PCDHGA5: variants seen among roughly 807,000 people sequenced by gnomAD.
PCDHGA5 encodes the protein protocadherin gamma subfamily A, 5.
PCDHGA5 carries 36 observed loss-of-function variants against 56.7 expected under a neutral mutation model. The ratio of observed to expected loss-of-function variants is 0.64; its 90% CI spans 0.49 to 0.84. The LOEUF is 0.84. PCDHGA5 is among the 40% of genes least tolerant of loss of function. The pLI is 0.00. For synonymous variants in PCDHGA5, 563 were observed against 520.2 expected, an observed-to-expected ratio of 1.08 and a Z score of -1.12; for missense variants, 1,305 against 1,201.5, an observed-to-expected ratio of 1.09 and a Z score of -1.27.
At position 141,431,590 on chromosome 5, in the gene PCDHGA5, G is replaced by A; in HGVS notation, c.2422-63217G>A. On this transcript the variant is annotated intron_variant, in intron 1 of 3. Transcript: ENST00000518069. The surrounding 1 kb of genome is among the most constrained non-coding windows in gnomAD (Gnocchi z 4.8). ...CTGACGAAGGAGTCAATGCGGAAGT[G>A]AGGTATTCCTTCCGGTATGTGGACG... 1.2e-6 allele frequency: 2 copies of A among 1,614,240 alleles called. No homozygotes were observed. Among genetic ancestry groups the A allele is most frequent in the South Asian group, 1.1e-5 (1 of 91,090 alleles).
chr5:141,380,182 G>A (rs997433342), intron 1 of PCDHGA5, among the ~76,000 whole-genome samples: 1 of 152,142 alleles, frequency 6.6e-6, no homozygotes, highest in Non-Finnish European at 1.5e-5. Context: ...TTACAGGCAT[G>A]AGCCACTGAG....
intron 1 of PCDHGA5, 115 bp from the exon 2 acceptor site, chr5:141,494,692 C>G: frequency 6.3e-7 from 1 of 1,581,934 alleles, no homozygotes; most frequent in South Asian, 1.1e-5. Context: ...CCTCTTAGTC[C>G]GTTTTCTTCT....
chr5:141,376,151 A>T lies in PCDHGA5; in HGVS notation c.2421+9400A>T. ...CGCCAAACCCAACGATTCGGACCTC[A>T]CTCTGTACCTGGTGGTGGCGGTGGC... On this transcript the variant is annotated intron_variant, in intron 1 of 3. Coordinates refer to ENST00000518069, the MANE Select transcript of PCDHGA5 (RefSeq NM_018918.3). The T allele has an allele frequency of 1.9e-6, 3 of 1,612,748 alleles. No individual in the cohort carries two copies. In the South Asian group the frequency reaches 3.3e-5, roughly 18 times the overall value.
At chr5:141,399,681 C>G (rs2093865042) in intron 1 of PCDHGA5, 1 of 1,613,408 alleles carries the variant, frequency 6.2e-7, no homozygotes, top group South Asian at 1.1e-5. Flanking sequence ...CCTTTGACTA[C>G]GAGCAGCTGC....
At chr5:141,510,124 A>G (rs2099879540) in intron 3 of PCDHGA5, among the ~76,000 whole-genome samples, 1 of 152,156 alleles carries the variant, frequency 6.6e-6, no homozygotes, top group Admixed American at 6.5e-5. Context: ...AAATACAAAA[A>G]TTAGCTGGGC....
intron 1 of PCDHGA5, chr5:141,415,573 G>T (rs375863243): frequency 1.9e-6 from 3 of 1,614,022 alleles, no homozygotes; most frequent in South Asian, 2.2e-5. Context: ...TTTGTTAGAT[G>T]ATTCGAAGTT....
intron 1 of PCDHGA5, among the ~76,000 whole-genome samples, chr5:141,436,793 C>A (rs752376420): frequency 6.6e-6 from 1 of 152,178 alleles, no homozygotes; most frequent in Non-Finnish European, 1.5e-5. Context: ...TAAAACTGTT[C>A]TAAAATTTTT....
At chr5:141,435,050 C>A (rs2154556494) in intron 1 of PCDHGA5, among the ~76,000 whole-genome samples, 1 of 151,994 alleles carries the variant, frequency 6.6e-6, no homozygotes, top group East Asian at 1.9e-4. Flanking sequence ...TCCCATTGAC[C>A]ATGCAGCAGT....
chr5:141,398,910 G>T, intron 1 of PCDHGA5: 1 of 1,613,972 alleles, frequency 6.2e-7, no homozygotes, highest in Non-Finnish European at 8.5e-7. Flanking sequence ...GCACCACTGT[G>T]TTGCAAGTGT....
chr5:141,389,439 G>A, intron 1 of PCDHGA5: 1 of 1,610,580 alleles, frequency 6.2e-7, no homozygotes. Context: ...GCGCGCCTTC[G>A]ACCACGAGCA....
chr5:141,424,082 C>T (rs2096798510), intron 1 of PCDHGA5: 2 of 957,226 alleles, frequency 2.1e-6, no homozygotes, highest in East Asian at 1.1e-4. Flanking sequence ...TTATATTCCA[C>T]CATTATTTGC....
rs376494807 is a variant in PCDHGA5 at position 141,491,836 on chromosome 5, G to A, written c.2422-2971G>A. 4.2e-5 allele frequency: 62 copies of A among 1,472,880 alleles called. No homozygotes were observed. The highest frequency in any genetic ancestry group is 3.6e-4 in the Middle Eastern group (2 of 5,606). 91.2% of individuals were successfully genotyped at this position (1,472,880 alleles called of 1,614,324 possible). A position where few individuals can be genotyped will look rare whatever the true frequency, so the allele number is the denominator to read the frequency against. On this transcript the variant is annotated intron_variant, in intron 1 of 3. Coordinates refer to ENST00000518069, the MANE Select transcript of PCDHGA5 (RefSeq NM_018918.3). This position sits in a 1 kb window ranked among gnomAD's most constrained non-coding sequence, Gnocchi z 6.9. ...CTGGCTGCGCTCCACCCGATTCTCG[G>A]GATCATTGGACCGTTTGCGCGAAAC...
intron 3 of PCDHGA5, among the ~76,000 whole-genome samples, chr5:141,508,841 C>A (rs969875150): frequency 6.6e-6 from 1 of 152,140 alleles, no homozygotes; most frequent in East Asian, 1.9e-4. Context: ...TCCCCTACCC[C>A]TTCCATTCCC....
chr5:141,376,773 G>C (rs1773367206), intron 1 of PCDHGA5: 1 of 400,516 alleles, frequency 2.5e-6, no homozygotes, highest in South Asian at 3.1e-5. Context: ...TGCAAGCTCC[G>C]CTTCCCGGGT....
intron 1 of PCDHGA5, chr5:141,407,937 C>G: frequency 2.0e-6 from 1 of 511,428 alleles, no homozygotes; most frequent in Non-Finnish European, 3.3e-6. Context: ...AGCCTCTGGG[C>G]GCCGCTGTCG....
At chr5:141,371,849 C>T (rs1323132095) in intron 1 of PCDHGA5, 2 of 1,613,542 alleles carry the variant, frequency 1.2e-6, no homozygotes, top group Admixed American at 1.7e-5. Flanking sequence ...GACCTAATGG[C>T]CTTGTCTCCT....
rs11952292 is a variant in PCDHGA5 at position 141,491,682 on chromosome 5, G to T, written c.2422-3125G>T. The T allele has an allele frequency of 0.072, 115,891 of 1,613,112 alleles. 4,572 individuals carry two copies. The highest frequency in any genetic ancestry group is 0.11 in the South Asian group (9,996 of 91,042). ...ACGCCATCCGGTCCCGCTCTAATAC[G>T]CTGCGGGAGCGGAGCCAGGTGAGGG... On this transcript the variant is annotated intron_variant, in intron 1 of 3. Coordinates refer to ENST00000518069, the MANE Select transcript of PCDHGA5 (RefSeq NM_018918.3). The surrounding 1 kb of genome is among the most constrained non-coding windows in gnomAD (Gnocchi z 6.9).
chr5:141,426,768 G>A (rs2096959269), intron 1 of PCDHGA5: 1 of 456,516 alleles, frequency 2.2e-6, no homozygotes, highest in Non-Finnish European at 4.4e-6. Flanking sequence ...TGCAGATGTA[G>A]GGCCTCACTC....
chr5:141,495,010 G>A (rs1327870362), intron 2 of PCDHGA5, 145 bp downstream of exon 2: 6 of 1,516,970 alleles, frequency 4.0e-6, no homozygotes, highest in Non-Finnish European at 5.3e-6. Context: ...GTGTGCGGGG[G>A]GCTGGCACAC....
Sources: gnomAD v4.1 joint callset for allele counts (sites outside exome capture counted in the v4.1 genomes callset) on GRCh38, gnomAD v4.1.1 for gene constraint, Gnocchi (gnomAD v3.1) non-coding constraint, MANE v1.5 for transcripts, NCBI Gene and HGNC (gene_info 2026-07-23, HGNC 2026-07-21) for gene names.